Variants in TNKS1BP1 observed in about 807,000 individuals in gnomAD.
The protein encoded by TNKS1BP1 is CCR4-NOT transcription complex subunit 12, also known as 182 kDa tankyrase-1-binding protein.
A neutral mutation model predicts 141.1 loss-of-function variants in TNKS1BP1; 48 were observed. That is an observed-to-expected ratio of 0.34 (90% CI 0.27 to 0.43). The LOEUF is 0.43. Ranked by LOEUF, TNKS1BP1 falls within the 20% of genes least tolerant of loss-of-function variation. The pLI is 1.00. For missense variants in TNKS1BP1, 2,149 were observed against 2,226.0 expected (o/e 0.97, Z 0.70); for synonymous variants, 875 against 898.2 (o/e 0.97, Z 0.46).
chr11:57,306,448 G>C (rs1288306056), intron 6 of TNKS1BP1, among the ~76,000 whole-genome samples: 1 of 152,148 alleles, frequency 6.6e-6, no homozygotes, highest in Non-Finnish European at 1.5e-5. Context: ...TAAGTCTTCT[G>C]TACGGCCACA....
intron 1 of TNKS1BP1, chr11:57,322,343 G>A (rs1161558535): frequency 2.0e-6 from 2 of 986,612 alleles, no homozygotes; most frequent in African/African-American, 3.5e-5. Context: ...CACCTCACGG[G>A]AGACGGGAAA....
intron 5 of TNKS1BP1, among the ~76,000 whole-genome samples, chr11:57,311,080 T>C (rs1379730551): frequency 6.6e-6 from 1 of 152,068 alleles, no homozygotes; most frequent in East Asian, 1.9e-4. Flanking sequence ...CAGGCCCTTC[T>C]TCCCCAGCCA....
At position 57,302,519 on chromosome 11, in the gene TNKS1BP1, A is replaced by C. The variant is rs1012053173; in HGVS notation, c.4623T>G (p.Ser1541=). 3 of 1,612,182 alleles carry C rather than the reference A, an allele frequency of 1.9e-6. No homozygotes were observed. Among genetic ancestry groups the C allele is most frequent in the Non-Finnish European group, 2.5e-6 (3 of 1,179,116 alleles). ...RWSDQGPAQT[S]RRPSQGPPAR... Reference sequence around the variant, plus strand: ...CAGGAGGGCCTTGGGAGGGTCGCCGAGAAGTCTGTGCTGGCCCCTGATCGC... The same window carrying C: ...CAGGAGGGCCTTGGGAGGGTCGCCGCGAAGTCTGTGCTGGCCCCTGATCGC... The change falls in exon 7 of 12, where the codon TCT becomes TCG. Residue 1541 remains serine (S), a synonymous_variant. Transcript: ENST00000358252. This position sits in a 1 kb window ranked among gnomAD's most constrained non-coding sequence, Gnocchi z 5.5.
At position 57,302,430 on chromosome 11, in the gene TNKS1BP1, CCACT is replaced by C. The variant is rs762583505; in HGVS notation, c.4683+25_4683+28del. 9.6e-6 allele frequency: 15 copies of C among 1,563,086 alleles called. No homozygotes were observed. Among genetic ancestry groups the C allele is most frequent in the African/African-American group, 9.5e-5 (7 of 74,070 alleles). ...CTCTCGCTGCATCGCCCTCACCCACCCACTGTCATGGGCTCACCCTCCACTGACC... is the reference window on the plus strand; with the variant it reads ...CTCTCGCTGCATCGCCCTCACCCACCGTCATGGGCTCACCCTCCACTGACC... On this transcript the variant is annotated intron_variant, in intron 7 of 11. Coordinates refer to ENST00000358252, the MANE Select transcript of TNKS1BP1 (RefSeq NM_033396.3). The surrounding 1 kb of genome is among the most constrained non-coding windows in gnomAD (Gnocchi z 5.5).
rs1397517383 is a variant in TNKS1BP1 at position 57,302,817 on chromosome 11, C to T, written c.4325G>A (p.Arg1442Lys). ...EALSFGASPGRCPARPPPSGS... is the reference protein window; with the variant it reads ...EALSFGASPGKCPARPPPSGS... ...GGAGGGTGGGGGGCGGGCCGGGCACCTGCCAGGGCTGTAAAGGGGACAGAG... is the reference window on the plus strand; with the variant it reads ...GGAGGGTGGGGGGCGGGCCGGGCACTTGCCAGGGCTGTAAAGGGGACAGAG... Residue 1442 changes from arginine (R) to lysine (K), a missense_variant, in exon 7 of 12, where the codon AGG becomes AAG. Transcript: ENST00000358252. This position sits in a 1 kb window ranked among gnomAD's most constrained non-coding sequence, Gnocchi z 5.5. 4.6e-6 allele frequency: 7 copies of T among 1,532,966 alleles called. No individual in the cohort carries two copies. The highest frequency in any genetic ancestry group is 6.1e-6 in the Non-Finnish European group (7 of 1,143,010). 95.0% of individuals were successfully genotyped at this position (1,532,966 alleles called of 1,614,324 possible).
At chr11:57,324,440 G>T (rs1040309286) in intron 1 of TNKS1BP1, among the ~76,000 whole-genome samples, 1 of 150,358 alleles carries the variant, frequency 6.7e-6, no homozygotes, top group Admixed American at 6.6e-5. Flanking sequence ...GGCTGCAGAC[G>T]TCGATCAGGT....
intron 6 of TNKS1BP1, among the ~76,000 whole-genome samples, chr11:57,306,075 C>T (rs1291383034): frequency 1.3e-5 from 2 of 151,942 alleles, no homozygotes; most frequent in Non-Finnish European, 2.9e-5. Context: ...GTCTGGAGTT[C>T]AAGACCAGCC....
At position 57,313,314 on chromosome 11, in the gene TNKS1BP1, C is replaced by T. The variant is rs1855744759; in HGVS notation, c.1374G>A (p.Leu458=). The T allele has an allele frequency of 6.2e-7, 1 of 1,613,012 alleles. No individual in the cohort carries two copies. The highest frequency in any genetic ancestry group is 8.5e-7 in the Non-Finnish European group (1 of 1,179,976). The part of the protein sequence containing the change: ...AALPQGQGSQ[L]ALDRPFGAES... ...CTGCCCCAAAGGGACGATCCAGGGC[C>T]AACTGGCTCCCCTGGCCTTGGGGCA... The change falls in exon 5 of 12, where the codon TTG becomes TTA. Residue 458 remains leucine (L), a synonymous_variant. Coordinates refer to ENST00000358252, the MANE Select transcript of TNKS1BP1 (RefSeq NM_033396.3).
rs397848581 is a variant in TNKS1BP1, at chr11:57,322,081, G to A, written c.-65-131C>T. 5.5e-5 allele frequency: 41 copies of A among 750,446 alleles called. 2 individuals carry two copies. The highest frequency in any genetic ancestry group is 1.1e-4 in the African/African-American group (6 of 55,790). 46.5% of individuals were successfully genotyped at this position (750,446 alleles called of 1,614,324 possible). On this transcript the variant is annotated intron_variant, in intron 1 of 11. Transcript: ENST00000358252. ...AGAGAGAACTTGGAGTGGGGGGGGG[G>A]GGGTAGGAGGAGGTCAAGGGAGGTT...
intron 6 of TNKS1BP1, among the ~76,000 whole-genome samples, chr11:57,306,020 TC>T (rs1363307645): frequency 4.0e-5 from 6 of 151,818 alleles, no homozygotes; most frequent in African/African-American, 1.4e-4. Context: ...ATGCCTGTAA[TC>T]CCAGCACTTT....
At position 57,308,959 on chromosome 11, in the gene TNKS1BP1, C is replaced by T; in HGVS notation, c.3752G>A (p.Arg1251Lys). The change falls in exon 6 of 12, where the codon AGA (arginine) becomes AAA (lysine). Residue 1251 changes from arginine to lysine, a missense_variant. Physicochemically the swap from Arg to Lys is conservative, Grantham distance 26. Transcript: ENST00000358252. ...VGEGGGHSQARESGVGQTDWS... is the reference protein window; with the variant it reads ...VGEGGGHSQAKESGVGQTDWS... ...GTCAGTCTGCCCCACGCCACTCTCTCTGGCCTGGCTGTGGCCTCCTCCCTC... is the reference window on the plus strand; with the variant it reads ...GTCAGTCTGCCCCACGCCACTCTCTTTGGCCTGGCTGTGGCCTCCTCCCTC... The T allele has an allele frequency of 6.2e-7, 1 of 1,614,198 alleles. No homozygotes were observed. The highest frequency in any genetic ancestry group is 8.5e-7 in the Non-Finnish European group (1 of 1,180,032).
Position 57,310,059 on chromosome 11 carries a change from C to T in TNKS1BP1, c.2652G>A (p.Gly884=). Residue 884 remains glycine (G), a synonymous_variant, in exon 6 of 12, where the codon GGG becomes GGA. Transcript: ENST00000358252. ...AATCTCTCTTCCCAAATTCCCAGTC[C>T]CCAAGGCTTACATCTCGACTACTGT... ...GTYSSRDVSL[G]DWEFGKRDSL... The T allele has an allele frequency of 1.2e-6, 2 of 1,614,180 alleles. No homozygotes were observed. The highest frequency in any genetic ancestry group is 1.1e-5 in the South Asian group (1 of 91,080).
intron 1 of TNKS1BP1, among the ~76,000 whole-genome samples, chr11:57,323,796 A>G (rs963752593): frequency 1.3e-5 from 2 of 152,230 alleles, no homozygotes; most frequent in Admixed American, 6.5e-5. Context: ...CTTGAACATT[A>G]TTACTAGGAA....
At chr11:57,321,243 T>C (rs1855881135) in intron 2 of TNKS1BP1, among the ~76,000 whole-genome samples, 1 of 151,880 alleles carries the variant, frequency 6.6e-6, no homozygotes. Flanking sequence ...ACCTCCCCAC[T>C]GTCATCTGGT....
chr11:57,313,197 G>C lies in TNKS1BP1; in HGVS notation c.1491C>G (p.Pro497=). Residue 497 remains proline, a synonymous_variant, in exon 5 of 12, where the codon CCC becomes CCG. Transcript: ENST00000358252. ...CCTCACTGGCTTCAGTGATGGGGGA[G>C]GGAGGCGGGGAGTCCAGCCGCCACA... ...LGVWRLDSPP[P]SPITEASEAA... is the part of the protein sequence containing the mutation. 6.2e-7 allele frequency: 1 copy of C among 1,612,536 alleles called. No individual in the cohort carries two copies. The highest frequency in any genetic ancestry group is 8.5e-7 in the Non-Finnish European group (1 of 1,179,902).
At position 57,313,167 on chromosome 11, in the gene TNKS1BP1, G is replaced by C. The variant is rs368382943; in HGVS notation, c.1521C>G (p.Ala507=). 6.2e-7 allele frequency: 1 copy of C among 1,612,894 alleles called. No individual in the cohort carries two copies. Residue 507 remains alanine, a synonymous_variant, in exon 5 of 12, where the codon GCC becomes GCG. Coordinates refer to ENST00000358252, the MANE Select transcript of TNKS1BP1 (RefSeq NM_033396.3). ...CCAAGTTGCCAGCCTCAGCAGCCTCGGCGGCCTCACTGGCTTCAGTGATGG... is the reference window on the plus strand; with the variant it reads ...CCAAGTTGCCAGCCTCAGCAGCCTCCGCGGCCTCACTGGCTTCAGTGATGG... ...PSPITEASEA[A]EAAEAGNLAV...
At position 57,303,275 on chromosome 11, in the gene TNKS1BP1, C is replaced by T. The variant is rs138226730; in HGVS notation, c.4317-450G>A. On this transcript the variant is annotated intron_variant, in intron 6 of 11. Transcript: ENST00000358252. ...CCAGGTACTGGCCCACCTGCCTCTC[C>T]GGACTCATGTTGTCTTCAGCCCCCA... 291 of 157,724 alleles carry T rather than the reference C, an allele frequency of 1.8e-3. 1 individual carries two copies. The highest frequency in any genetic ancestry group is 6.6e-3 in the African/African-American group (276 of 41,752). 9.8% of individuals were successfully genotyped at this position (157,724 alleles called of 1,614,324 possible).
At chr11:57,306,903 T>TA (rs1554961750) in intron 6 of TNKS1BP1, among the ~76,000 whole-genome samples, 1 of 70,176 alleles carries the variant, frequency 1.4e-5, no homozygotes, top group Non-Finnish European at 2.6e-5. Context: ...GCTGTGGTGG[T>TA]GGGGGGGGGG....
Position 57,313,879 on chromosome 11 carries a change from G to A in TNKS1BP1, c.809C>T (p.Pro270Leu), listed in dbSNP as rs906549862. The A allele has an allele frequency of 1.3e-6, 2 of 1,501,574 alleles. No individual in the cohort carries two copies. The highest frequency in any genetic ancestry group is 2.4e-5 in the Admixed American group (1 of 40,894). The allele number at this position is 1,501,574 out of a possible 1,614,324, so 93.0% of individuals were successfully genotyped here. The change falls in exon 5 of 12, where the codon CCC becomes CTC. Residue 270 changes from proline (P) to leucine (L), a missense_variant. Transcript: ENST00000358252. The stretch of plus-strand genomic sequence containing the variant: ...GGGGGCTGGACTTGAGGGAATCCAG[G>A]GCTTGGAAATCTGCAAGAGAAAGAA... Reference protein sequence around the residue: ...SSELPADISKPWIPSSPAPSS... With the variant: ...SSELPADISKLWIPSSPAPSS...
Sources: allele counts gnomAD v4.1 joint callset (sites outside exome capture counted in the v4.1 genomes callset), GRCh38; gene constraint gnomAD v4.1.1; non-coding constraint Gnocchi (gnomAD v3.1); transcripts MANE v1.5; gene names NCBI Gene and HGNC (gene_info 2026-07-23, HGNC 2026-07-21).